The following PTPRD variants were observed in gnomAD, a reference collection of about 807,000 sequenced individuals.
PTPRD encodes receptor-type tyrosine-protein phosphatase delta.
PTPRD carries 34 observed loss-of-function variants against 214.5 expected under a neutral mutation model. The observed-to-expected ratio is 0.16, with a 90% confidence interval of 0.12 to 0.21. PTPRD has a LOEUF of 0.21. Among genes scored for constraint, PTPRD ranks in the 10% least tolerant of loss-of-function variants. The pLI, the probability that PTPRD is intolerant of heterozygous loss-of-function variation, is 1.00. For missense variants in PTPRD, 2,545 were observed against 2,398.7 expected (o/e 1.06, Z -1.27); for synonymous variants, 1,128 against 845.7 (o/e 1.33, Z -5.79).
intron 2 of PTPRD, among the ~76,000 whole-genome samples, chr9:10,533,679 C>T (rs940755069): frequency 6.6e-6 from 1 of 151,512 alleles, no homozygotes; most frequent in Non-Finnish European, 1.5e-5. Context: ...CCTCCATCTG[C>T]ATTAATATGC....
At chr9:8,957,488 A>G (rs2099137246) in intron 11 of PTPRD, among the ~76,000 whole-genome samples, 1 of 151,802 alleles carries the variant, frequency 6.6e-6, no homozygotes, top group Non-Finnish European at 1.5e-5. Context: ...TGCTCAGCCA[A>G]AATCAAACCC....
intron 10 of PTPRD, among the ~76,000 whole-genome samples, chr9:9,065,749 G>C (rs2099728919): frequency 6.6e-6 from 1 of 152,098 alleles, no homozygotes; most frequent in African/African-American, 2.4e-5. Flanking sequence ...TCTCTTCCTT[G>C]AAATGATACA....
intron 9 of PTPRD, among the ~76,000 whole-genome samples, chr9:9,219,140 A>G (rs1340012673): frequency 6.6e-6 from 1 of 152,158 alleles, no homozygotes; most frequent in Non-Finnish European, 1.5e-5. Context: ...ATTTCAATGT[A>G]CAGATATTTA....
intron 14 of PTPRD, among the ~76,000 whole-genome samples, chr9:8,554,438 G>A (rs1489313648): frequency 6.6e-6 from 1 of 152,092 alleles, no homozygotes; most frequent in Non-Finnish European, 1.5e-5. Context: ...CTCTAAATGA[G>A]CTATAAATAA....
At chr9:8,606,116 G>A (rs1355293787) in intron 14 of PTPRD, among the ~76,000 whole-genome samples, 1 of 152,044 alleles carries the variant, frequency 6.6e-6, no homozygotes, top group Non-Finnish European at 1.5e-5. Flanking sequence ...AAATCTCTCT[G>A]AAGGCATGTC....
chr9:10,394,954 T>TTCC (rs1191354987), intron 2 of PTPRD, among the ~76,000 whole-genome samples: 4 of 131,396 alleles, frequency 3.0e-5, no homozygotes, highest in Admixed American at 7.8e-5. Context: ...ATTTTTTCTT[T>TTCC]TTCTTTTTTT....
At chr9:10,182,774 T>C (rs1487408894) in intron 3 of PTPRD, among the ~76,000 whole-genome samples, 3 of 152,156 alleles carry the variant, frequency 2.0e-5, no homozygotes, top group South Asian at 4.1e-4. Flanking sequence ...AGTGGGTGTA[T>C]AAATTAGTGC....
chr9:9,819,964 G>A (rs541769192), intron 5 of PTPRD, among the ~76,000 whole-genome samples: 43 of 152,188 alleles, frequency 2.8e-4, no homozygotes, highest in Non-Finnish European at 4.1e-4. Flanking sequence ...ATGCGAGTAC[G>A]TGTCTTTTTG....
At chr9:9,121,086 T>C (rs1395246860) in intron 10 of PTPRD, among the ~76,000 whole-genome samples, 1 of 152,220 alleles carries the variant, frequency 6.6e-6, no homozygotes, top group East Asian at 1.9e-4. Context: ...CAATTTTCAG[T>C]TCAAATACTT....
At chr9:8,954,328 C>A (rs543975460) in intron 11 of PTPRD, among the ~76,000 whole-genome samples, 1 of 151,778 alleles carries the variant, frequency 6.6e-6, no homozygotes, top group African/African-American at 2.4e-5. Flanking sequence ...GAGCAAAAGA[C>A]GCTGGGGACT....
At chr9:10,019,936 A>C (rs79598949) in intron 4 of PTPRD, among the ~76,000 whole-genome samples, 2 of 139,610 alleles carry the variant, frequency 1.4e-5, no homozygotes, top group African/African-American at 5.0e-5. Context: ...AATAAAAAAA[A>C]TTATAGTGCT....
intron 9 of PTPRD, among the ~76,000 whole-genome samples, chr9:9,225,821 T>A (rs1257767319): frequency 2.6e-5 from 4 of 152,000 alleles, no homozygotes; most frequent in Non-Finnish European, 5.9e-5. Context: ...CTAGACAGTT[T>A]GAATAGTGTC....
chr9:8,532,166 A>G (rs185176802), intron 14 of PTPRD, among the ~76,000 whole-genome samples: 143 of 152,166 alleles, frequency 9.4e-4, no homozygotes, highest in African/African-American at 3.1e-3. Flanking sequence ...AAACATCACA[A>G]TGTAACAGAT....
intron 12 of PTPRD, among the ~76,000 whole-genome samples, chr9:8,702,367 T>C (rs991885218): frequency 2.0e-5 from 3 of 152,182 alleles, no homozygotes; most frequent in African/African-American, 7.2e-5. Context: ...TTATACTTCT[T>C]GCTTCTCAGT....
At chr9:8,500,556 AT>A (rs2097373225) in intron 24 of PTPRD, among the ~76,000 whole-genome samples, 197 bp downstream of exon 24, 3 of 125,742 alleles carry the variant, frequency 2.4e-5, no homozygotes, top group Non-Finnish European at 3.4e-5. Context: ...ATTGAAAAAA[AT>A]GAAAAAAAAA....
At chr9:9,850,467 A>G (rs1232054477) in intron 5 of PTPRD, among the ~76,000 whole-genome samples, 1 of 152,152 alleles carries the variant, frequency 6.6e-6, no homozygotes, top group African/African-American at 2.4e-5. Flanking sequence ...CATTTTCTGG[A>G]GTCATGTGAT....
chr9:8,908,410 A>G (rs930514881), intron 11 of PTPRD, among the ~76,000 whole-genome samples: 1 of 152,196 alleles, frequency 6.6e-6, no homozygotes, highest in Non-Finnish European at 1.5e-5. Flanking sequence ...TTGTTTTATT[A>G]TAATTAAATA....
intron 2 of PTPRD, among the ~76,000 whole-genome samples, chr9:10,445,439 C>T (rs16926034): frequency 0.086 from 13,026 of 152,084 alleles, 920 homozygotes; most frequent in African/African-American, 0.18. Flanking sequence ...GTCTACACTA[C>T]TGCTATGGCA....
chr9:10,082,840 A>AAACACAC (rs1555566892), intron 3 of PTPRD, among the ~76,000 whole-genome samples: 23,645 of 127,426 alleles, frequency 0.19, 2,331 homozygotes, highest in South Asian at 0.28. Context: ...CACACACACA[A>AAACACAC]ACACACACAC....
Sources: allele counts gnomAD v4.1 joint callset (sites outside exome capture counted in the v4.1 genomes callset), GRCh38; gene constraint gnomAD v4.1.1; transcripts MANE v1.5; gene names NCBI Gene and HGNC (gene_info 2026-07-23, HGNC 2026-07-21).